Variants in GALNT17 observed in about 807,000 individuals in gnomAD.
GALNT17 encodes polypeptide N-acetylgalactosaminyltransferase 17.
In GALNT17, 29 loss-of-function variants were observed where a neutral mutation model predicts 63.7. The ratio of observed to expected loss-of-function variants is 0.46; its 90% CI spans 0.34 to 0.62. The LOEUF is 0.62. Among genes scored for constraint, GALNT17 ranks in the 20% least tolerant of loss-of-function variants. The pLI is 0.01. For missense variants in GALNT17, 603 were observed against 799.6 expected (o/e 0.75, Z 2.97); for synonymous variants, 305 against 318.3 (o/e 0.96, Z 0.45).
At position 71,376,759 on chromosome 7, in the gene GALNT17, C is replaced by T. The variant is rs114013025; in HGVS notation, c.423-11476C>T. Among the ~76,000 whole-genome samples, 815 of 151,766 alleles carry T rather than the reference C, an allele frequency of 5.4e-3. 8 individuals carry two copies. The highest frequency in any genetic ancestry group is 0.019 in the African/African-American group (778 of 41,368). ...TTGAGACTAGGAGTTCAAGACCAGC[C>T]TGCGCAACTTAGCAATGCCCCATCT... On this transcript the variant is annotated intron_variant, in intron 2 of 10. Coordinates refer to ENST00000333538, the MANE Select transcript of GALNT17 (RefSeq NM_022479.3).
chr7:71,608,949 T>G (rs1470722508), intron 6 of GALNT17, among the ~76,000 whole-genome samples: 2 of 145,314 alleles, frequency 1.4e-5, no homozygotes, highest in East Asian at 2.0e-4. Context: ...CCAGCTAATT[T>G]TTTTTTTTTT....
chr7:71,313,107 A>G (rs1230742008), intron 1 of GALNT17, among the ~76,000 whole-genome samples: 1 of 152,124 alleles, frequency 6.6e-6, no homozygotes, highest in African/African-American at 2.4e-5. Context: ...GAGACCCCGT[A>G]TCTTTAAAAA....
chr7:71,194,086 C>T (rs1466492786), intron 1 of GALNT17, among the ~76,000 whole-genome samples: 2 of 152,128 alleles, frequency 1.3e-5, no homozygotes, highest in African/African-American at 2.4e-5. Context: ...TGTTCTGTCA[C>T]CCAGGCTGGA....
At chr7:71,323,181 GA>G (rs1250641685) in intron 1 of GALNT17, among the ~76,000 whole-genome samples, 1 of 152,032 alleles carries the variant, frequency 6.6e-6, no homozygotes, top group Non-Finnish European at 1.5e-5. Context: ...TGATGTAGAA[GA>G]AAAAAATAAG....
intron 1 of GALNT17, among the ~76,000 whole-genome samples, chr7:71,220,910 A>G (rs545763267): frequency 5.9e-4 from 90 of 152,280 alleles, no homozygotes; most frequent in African/African-American, 2.1e-3. Flanking sequence ...GTAATGGCAA[A>G]CTAATATATG....
chr7:71,674,349 TA>T (rs398005156), intron 8 of GALNT17, among the ~76,000 whole-genome samples: 13 of 148,962 alleles, frequency 8.7e-5, no homozygotes, highest in African/African-American at 3.2e-4. Flanking sequence ...TCTTCCTTTT[TA>T]AAAAAAAAAA....
At chr7:71,430,812 A>G (rs1786847893) in intron 5 of GALNT17, among the ~76,000 whole-genome samples, 1 of 152,208 alleles carries the variant, frequency 6.6e-6, no homozygotes, top group South Asian at 2.1e-4. Flanking sequence ...TGACTGGCTT[A>G]CAGAGGAGGA....
chr7:71,458,834 G>T (rs1200304640), intron 5 of GALNT17, among the ~76,000 whole-genome samples: 3 of 152,046 alleles, frequency 2.0e-5, no homozygotes, highest in African/African-American at 7.2e-5. Context: ...TGTTCAGCGG[G>T]TCTTCTGTTC....
At chr7:71,556,965 A>G (rs555029314) in intron 5 of GALNT17, among the ~76,000 whole-genome samples, 76 of 151,396 alleles carry the variant, frequency 5.0e-4, no homozygotes, top group African/African-American at 1.8e-3. Flanking sequence ...TCTGTGGCCC[A>G]GGCTGTAGAC....
At chr7:71,592,464 C>T (rs1044854380) in intron 6 of GALNT17, among the ~76,000 whole-genome samples, 18 of 146,696 alleles carry the variant, frequency 1.2e-4, no homozygotes, top group South Asian at 4.4e-4. Context: ...CACTGCACTC[C>T]GGCCTGGGTG....
intron 5 of GALNT17, among the ~76,000 whole-genome samples, chr7:71,537,757 G>A (rs1788823998): frequency 6.6e-6 from 1 of 152,170 alleles, no homozygotes; most frequent in Non-Finnish European, 1.5e-5. Context: ...AGGCTGCAAT[G>A]AGCTGAGATC....
At chr7:71,340,116 A>G (rs1346594109) in intron 2 of GALNT17, among the ~76,000 whole-genome samples, 1 of 152,124 alleles carries the variant, frequency 6.6e-6, no homozygotes, top group East Asian at 1.9e-4. Flanking sequence ...GCCCCTAGAG[A>G]CTCAAGAATT....
At chr7:71,324,254 A>G (rs896244329) in intron 1 of GALNT17, among the ~76,000 whole-genome samples, 1 of 152,166 alleles carries the variant, frequency 6.6e-6, no homozygotes, top group African/African-American at 2.4e-5. Flanking sequence ...AGATGGTGTT[A>G]GGAGTTGCCT....
chr7:71,237,024 TC>T (rs1246435465), intron 1 of GALNT17, among the ~76,000 whole-genome samples: 1 of 152,136 alleles, frequency 6.6e-6, no homozygotes, highest in African/African-American at 2.4e-5. Flanking sequence ...ACCCAGGGAA[TC>T]TCGTGGCTCC....
intron 1 of GALNT17, among the ~76,000 whole-genome samples, chr7:71,219,777 A>ATTTT (rs1415379450): frequency 2.0e-5 from 3 of 151,970 alleles, no homozygotes; most frequent in Admixed American, 6.6e-5. Flanking sequence ...CTGTCCTCAT[A>ATTTT]TTTTTATTTT....
At chr7:71,224,461 C>T (rs902920362) in intron 1 of GALNT17, among the ~76,000 whole-genome samples, 2 of 152,170 alleles carry the variant, frequency 1.3e-5, no homozygotes, top group Non-Finnish European at 2.9e-5. Context: ...CAGTGGACAT[C>T]TGTTTGAGAG....
At chr7:71,710,526 G>C (rs1333484860) in intron 9 of GALNT17, among the ~76,000 whole-genome samples, 1 of 152,142 alleles carries the variant, frequency 6.6e-6, no homozygotes, top group Non-Finnish European at 1.5e-5. Context: ...AAGGAAAAAA[G>C]ATCAGAGAGT....
At chr7:71,383,211 A>C (rs1028826973) in intron 2 of GALNT17, among the ~76,000 whole-genome samples, 4 of 152,210 alleles carry the variant, frequency 2.6e-5, no homozygotes, top group African/African-American at 9.6e-5. Flanking sequence ...ATTCCATTTT[A>C]TATATACACA....
intron 2 of GALNT17, among the ~76,000 whole-genome samples, chr7:71,337,443 T>G (rs1430719055): frequency 6.6e-6 from 1 of 152,220 alleles, no homozygotes; most frequent in Non-Finnish European, 1.5e-5. Context: ...CTCCAGAAAA[T>G]CTATAGTAAT....
Sources: gnomAD v4.1 joint callset for allele counts (sites outside exome capture counted in the v4.1 genomes callset) on GRCh38, gnomAD v4.1.1 for gene constraint, MANE v1.5 for transcripts, NCBI Gene and HGNC (gene_info 2026-07-23, HGNC 2026-07-21) for gene names.